The following GALNT11 variants were observed in gnomAD, a reference collection of about 807,000 sequenced individuals.
GALNT11 encodes polypeptide N-acetylgalactosaminyltransferase 11.
In GALNT11, 47 loss-of-function variants were observed where a neutral mutation model predicts 72.7. The observed-to-expected ratio is 0.65, with a 90% CI of 0.51 to 0.82. The LOEUF (loss-of-function observed/expected upper bound fraction) is 0.82, where lower values mean the gene tolerates loss of function less well. Among genes scored for constraint, GALNT11 ranks in the 40% least tolerant of loss-of-function variants. The pLI, the probability that GALNT11 is intolerant of heterozygous loss-of-function variation, is 0.00. For synonymous variants in GALNT11, 270 were observed against 286.6 expected, an observed-to-expected ratio of 0.94 and a Z score of 0.58; for missense variants, 677 against 778.4, an observed-to-expected ratio of 0.87 and a Z score of 1.55.
At chr7:152,049,249 T>C (rs1043868096) in intron 1 of GALNT11, among the ~76,000 whole-genome samples, 2 of 152,198 alleles carry the variant, frequency 1.3e-5, no homozygotes, top group Non-Finnish European at 2.9e-5. Context: ...CTGGACTTTT[T>C]GTACCCATCC....
chr7:152,105,005 C>A lies in GALNT11; in HGVS notation c.587-240C>A, dbSNP rs1437573957. The A allele has an allele frequency of 1.6e-5, 5 of 315,958 alleles. No individual in the cohort carries two copies. The South Asian group carries it at 2.9e-4, about 19-fold the overall frequency. 19.6% of individuals were successfully genotyped at this position (315,958 alleles called of 1,614,324 possible). On this transcript the variant is annotated intron_variant, in intron 4 of 11. Coordinates refer to ENST00000430044, the MANE Select transcript of GALNT11 (RefSeq NM_022087.4). ...CATTGTGCTCGATGCTATGGAGATA[C>A]AAATAAGTCTGTAACTAAAGTAAGT...
At chr7:152,090,372 T>C (rs943333581) in intron 1 of GALNT11, among the ~76,000 whole-genome samples, 3 of 152,256 alleles carry the variant, frequency 2.0e-5, no homozygotes, top group Non-Finnish European at 4.4e-5. Flanking sequence ...CTTGGGTTTA[T>C]TCAGTTATAT....
chr7:152,058,459 G>A (rs148369779), intron 1 of GALNT11, among the ~76,000 whole-genome samples: 1,759 of 152,064 alleles, frequency 0.012, 36 homozygotes, highest in African/African-American at 0.041. Flanking sequence ...TCAGCCTCCC[G>A]AGTAGCTGGG....
chr7:152,036,272 A>C (rs1238408606), intron 1 of GALNT11, among the ~76,000 whole-genome samples: 1 of 152,120 alleles, frequency 6.6e-6, no homozygotes, highest in Non-Finnish European at 1.5e-5. Flanking sequence ...ACCATTATCT[A>C]GTCTCTCTCT....
intron 1 of GALNT11, among the ~76,000 whole-genome samples, chr7:152,039,699 C>T (rs1005386457): frequency 6.6e-6 from 1 of 152,194 alleles, no homozygotes; most frequent in Non-Finnish European, 1.5e-5. Flanking sequence ...TCCCCAGCAT[C>T]TGGCTTATGA....
chr7:152,116,823 G>A (rs1249485741), intron 8 of GALNT11: 1 of 468,232 alleles, frequency 2.1e-6, no homozygotes, highest in Non-Finnish European at 4.1e-6. Context: ...TTTTGTGTTT[G>A]TAATGAGTAT....
intron 1 of GALNT11, among the ~76,000 whole-genome samples, chr7:152,034,346 C>A (rs2082452675): frequency 6.6e-6 from 1 of 152,166 alleles, no homozygotes; most frequent in Non-Finnish European, 1.5e-5. Flanking sequence ...GTGTTTCACT[C>A]CATTTGCCTT....
Position 152,066,396 on chromosome 7 carries a change from G to A in GALNT11, c.-38-27794G>A, listed in dbSNP as rs181995571. 1.4e-4 allele frequency among the ~76,000 whole-genome samples: 21 copies of A among 152,308 alleles called. No individual in the cohort carries two copies. The South Asian group carries it at 1.7e-3, about 12-fold the overall frequency. On this transcript the variant is annotated intron_variant, in intron 1 of 11. Coordinates refer to ENST00000430044, the MANE Select transcript of GALNT11 (RefSeq NM_022087.4). The stretch of plus-strand genomic sequence containing the variant: ...ACCCCTTGCAGTTCCCAGATGAGGC[G>A]ATGCCTCGCCCTGCTTTGGCTCACA...
chr7:152,080,892 C>T (rs985926289), intron 1 of GALNT11, among the ~76,000 whole-genome samples: 1 of 152,172 alleles, frequency 6.6e-6, no homozygotes, highest in Admixed American at 6.5e-5. Flanking sequence ...ATCGCTTGAA[C>T]CCAGGAGGCA....
intron 1 of GALNT11, among the ~76,000 whole-genome samples, chr7:152,054,757 G>A (rs1423468789): frequency 6.6e-6 from 1 of 151,586 alleles, no homozygotes; most frequent in Non-Finnish European, 1.5e-5. Flanking sequence ...GGGCTCAAGC[G>A]ATCCGCCCAC....
chr7:152,038,821 G>C (rs771038176), intron 1 of GALNT11, among the ~76,000 whole-genome samples: 1 of 152,148 alleles, frequency 6.6e-6, no homozygotes, highest in Non-Finnish European at 1.5e-5. Flanking sequence ...CAGCTCCTTC[G>C]AGCACTCTAG....
intron 1 of GALNT11, among the ~76,000 whole-genome samples, chr7:152,086,734 C>G (rs1328575469): frequency 2.0e-5 from 3 of 152,154 alleles, no homozygotes; most frequent in African/African-American, 7.2e-5. Context: ...AAAGTAGTTT[C>G]CCGGGTTTTT....
intron 11 of GALNT11, 46 bp downstream of exon 11, chr7:152,121,014 A>C: frequency 6.3e-7 from 1 of 1,590,808 alleles, no homozygotes; most frequent in Non-Finnish European, 8.6e-7. Flanking sequence ...GAGGCCCACA[A>C]GGTTGAGTGA....
intron 1 of GALNT11, among the ~76,000 whole-genome samples, chr7:152,065,714 C>T (rs572656100): frequency 1.3e-5 from 2 of 152,230 alleles, no homozygotes; most frequent in African/African-American, 4.8e-5. Flanking sequence ...CACTCCAGAC[C>T]CTGTTTGCCT....
At chr7:152,034,297 G>A (rs988257578) in intron 1 of GALNT11, among the ~76,000 whole-genome samples, 1 of 152,166 alleles carries the variant, frequency 6.6e-6, no homozygotes, top group Non-Finnish European at 1.5e-5. Flanking sequence ...TTGCATAGTT[G>A]TGTATTCTCC....
In GALNT11 at chr7:152,121,881, A is replaced by G; in HGVS notation, c.*204A>G. 3 of 547,484 alleles carry G rather than the reference A, an allele frequency of 5.5e-6. No individual in the cohort carries two copies. In the South Asian group the frequency reaches 8.1e-5, roughly 15 times the overall value. The allele number at this position is 547,484 out of a possible 1,614,324, so 33.9% of individuals were successfully genotyped here. ...GAGCTCTGAGTGTCCACGGGTGAAG[A>G]AGTGAGTGTCCACGGGTGAAGAAGT... On this transcript the variant is annotated 3_prime_UTR_variant, in exon 12 of 12. Transcript: ENST00000430044.
At chr7:152,047,803 C>T (rs1260185143) in intron 1 of GALNT11, among the ~76,000 whole-genome samples, 2 of 151,976 alleles carry the variant, frequency 1.3e-5, no homozygotes, top group Non-Finnish European at 2.9e-5. Flanking sequence ...CATTTTAACT[C>T]CATTCCCTGC....
chr7:152,054,678 A>ATT (rs765064933), intron 1 of GALNT11, among the ~76,000 whole-genome samples: 1 of 143,088 alleles, frequency 7.0e-6, no homozygotes, highest in Non-Finnish European at 1.5e-5. Flanking sequence ...TGTCTGGCTA[A>ATT]TTTTTTTTTT....
At chr7:152,047,757 A>AGATTGGTTGCTGATGCCT in intron 1 of GALNT11, among the ~76,000 whole-genome samples, 1 of 150,634 alleles carries the variant, frequency 6.6e-6, no homozygotes, top group African/African-American at 2.5e-5. Flanking sequence ...AAGTAAATAA[A>AGATTGGTTGCTGATGCCT]TATATTTTAC....
Sources: allele counts gnomAD v4.1 joint callset (sites outside exome capture counted in the v4.1 genomes callset), GRCh38; gene constraint gnomAD v4.1.1; transcripts MANE v1.5; gene names NCBI Gene and HGNC (gene_info 2026-07-23, HGNC 2026-07-21).